The following TK2 variants were observed in gnomAD, a reference collection of about 807,000 sequenced individuals.
TK2 encodes thymidine kinase 2, also known as thymidine kinase 2, mitochondrial.
Under a neutral mutation model 41.9 loss-of-function variants are expected in TK2, and 35 were observed. The observed-to-expected ratio is 0.84, with a 90% CI of 0.64 to 1.11. The LOEUF (loss-of-function observed/expected upper bound fraction) is 1.11, where lower values mean the gene tolerates loss of function less well. Among genes scored for constraint, TK2 ranks in the 50% least tolerant of loss-of-function variants. The pLI is 0.00. For missense variants in TK2, 320 were observed against 351.1 expected, an observed-to-expected ratio of 0.91 and a Z score of 0.71; for synonymous variants, 128 against 129.1, an observed-to-expected ratio of 0.99 and a Z score of 0.06.
chr16:66,522,319 C>T (rs1298645496), intron 6 of TK2, among the ~76,000 whole-genome samples: 2 of 152,234 alleles, frequency 1.3e-5, no homozygotes, highest in African/African-American at 4.8e-5. Context: ...GAGGCCCAGC[C>T]TGTGGTTCCA....
chr16:66,517,635 C>T lies in TK2; in HGVS notation c.538+154G>A, dbSNP rs1239368287. On this transcript the variant is annotated intron_variant, in intron 7 of 9. Coordinates refer to ENST00000544898, the MANE Select transcript of TK2 (RefSeq NM_004614.5). The surrounding 1 kb of genome is among the most constrained non-coding windows in gnomAD (Gnocchi z 4.3). ...AGAGACCAGAAGTCCCGAATTCTGT[C>T]TGCCCTCAGGGAGAAAGCTGAACTC... is the stretch of plus-strand genomic sequence containing the variant. 6.6e-6 allele frequency among the ~76,000 whole-genome samples: 1 copy of T among 152,334 alleles called. No homozygotes were observed. Among genetic ancestry groups the T allele is most frequent in the East Asian group, 1.9e-4 (1 of 5,178 alleles).
intron 4 of TK2, among the ~76,000 whole-genome samples, chr16:66,535,325 C>A (rs750062901): frequency 2.0e-5 from 3 of 152,198 alleles, no homozygotes; most frequent in Non-Finnish European, 4.4e-5. Flanking sequence ...ACTTCTGAGG[C>A]TGTGATTCTG....
Position 66,549,676 on chromosome 16 carries a change from G to A in TK2, c.124+262C>T, listed in dbSNP as rs1161107985. On this transcript the variant is annotated intron_variant, in intron 1 of 9. Transcript: ENST00000544898. ...AAATGGGTCGGGGGACCGAGTTTGG[G>A]CCGGAATGTTCAGAGCGTGTCCGTC... 9.0e-6 allele frequency: 11 copies of A among 1,227,316 alleles called. No homozygotes were observed. The East Asian group carries it at 2.4e-4, about 27-fold the overall frequency. The allele number at this position is 1,227,316 out of a possible 1,614,324, so 76.0% of individuals were successfully genotyped here. A position where few individuals can be genotyped will look rare whatever the true frequency, so the allele number is the denominator to read the frequency against.
intron 3 of TK2, among the ~76,000 whole-genome samples, chr16:66,539,958 T>C (rs2051028545): frequency 1.3e-5 from 2 of 152,044 alleles, no homozygotes; most frequent in South Asian, 4.2e-4. Context: ...CTGTTATCAG[T>C]TAGGAATGGT....
chr16:66,529,027 G>A lies in TK2; in HGVS notation c.416C>T (p.Ala139Val), dbSNP rs281865494. Residue 139 changes from alanine to valine, a missense_variant, in exon 6 of 10, where the codon GCA (alanine) becomes GTA (valine). Physicochemically the swap from Ala to Val is moderately conservative, Grantham distance 64 (BLOSUM62 0). Transcript: ENST00000544898. ...VRLMERSIHS[A>V]RYIFVENLYR... ...CAGGTTTTCTACAAAAATGTATCTT[G>A]CGCTGTGAATCGACCTCTCCATCAA... is the stretch of plus-strand genomic sequence containing the variant. The A allele has an allele frequency of 4.8e-5, 78 of 1,613,916 alleles. No individual in the cohort carries two copies. The highest frequency in any genetic ancestry group is 6.7e-5 in the Admixed American group (4 of 59,998).
At chr16:66,515,332 C>A (rs1432187519) in intron 8 of TK2, among the ~76,000 whole-genome samples, 1 of 152,178 alleles carries the variant, frequency 6.6e-6, no homozygotes, top group African/African-American at 2.4e-5. Context: ...TCACCCATTG[C>A]CCTTCTACCC....
At position 66,517,664 on chromosome 16, in the gene TK2, T is replaced by TG. The variant is rs1964655045; in HGVS notation, c.538+124dup. ...CCTCAGGGAGAAAGCTGAACTCCCA[T>TG]GGGGAAGGAACTGCCAAGGGCAAGT... On this transcript the variant is annotated intron_variant, in intron 7 of 9. Transcript: ENST00000544898. This position sits in a 1 kb window ranked among gnomAD's most constrained non-coding sequence, Gnocchi z 4.3. 1.2e-6 allele frequency: 1 copy of TG among 860,122 alleles called. No homozygotes were observed. Among genetic ancestry groups the TG allele is most frequent in the Non-Finnish European group, 2.0e-6 (1 of 501,346 alleles). 53.3% of individuals were successfully genotyped at this position (860,122 alleles called of 1,614,324 possible).
At chr16:66,534,610 C>T (rs1236261246) in intron 4 of TK2, among the ~76,000 whole-genome samples, 1 of 152,258 alleles carries the variant, frequency 6.6e-6, no homozygotes. Flanking sequence ...CATCTCAGGG[C>T]CTTTGCCTCT....
At chr16:66,528,885 A>G (rs1004695566) in intron 6 of TK2, 109 bp downstream of exon 6, 34 of 1,038,938 alleles carry the variant, frequency 3.3e-5, no homozygotes, top group Non-Finnish European at 5.0e-5. Context: ...GCAATGGATA[A>G]CTGATACAAC....
At chr16:66,522,296 A>G (rs1333165064) in intron 6 of TK2, among the ~76,000 whole-genome samples, 1 of 152,184 alleles carries the variant, frequency 6.6e-6, no homozygotes, top group African/African-American at 2.4e-5. Flanking sequence ...CCCTGGGCCA[A>G]TCAGCAGGGG....
Position 66,517,435 on chromosome 16 carries a change from A to G in TK2, c.539-220T>C. ...TGAGGCTGAATGGGATTCTGTTCAT[A>G]GACAGAGCTCAAAACAGGCCTCACA... On this transcript the variant is annotated intron_variant, in intron 7 of 9. Coordinates refer to ENST00000544898, the MANE Select transcript of TK2 (RefSeq NM_004614.5). This position sits in a 1 kb window ranked among gnomAD's most constrained non-coding sequence, Gnocchi z 4.3. 1 of 630,392 alleles carries G rather than the reference A, an allele frequency of 1.6e-6. No individual in the cohort carries two copies. The highest frequency in any genetic ancestry group is 2.8e-6 in the Non-Finnish European group (1 of 351,916). 39.0% of individuals were successfully genotyped at this position (630,392 alleles called of 1,614,324 possible).
chr16:66,544,783 G>A (rs1404297016), intron 2 of TK2, among the ~76,000 whole-genome samples: 4 of 152,122 alleles, frequency 2.6e-5, no homozygotes. Flanking sequence ...AAGCATTCTT[G>A]TGCTAAGAAA....
intron 6 of TK2, among the ~76,000 whole-genome samples, chr16:66,521,939 G>A (rs1964792475): frequency 6.6e-6 from 1 of 152,216 alleles, no homozygotes; most frequent in Non-Finnish European, 1.5e-5. Flanking sequence ...GAGGCCAAGA[G>A]AGCCCCCCAG....
rs1964434009 is a variant in TK2 at position 66,510,980 on chromosome 16, C to T, written c.*988G>A. ...AAAAGACTTAAGGCCACTTGTGTCT[C>T]TCTCTTGGGCCACAGACTTTCAGTA... is the stretch of plus-strand genomic sequence containing the variant. On this transcript the variant is annotated 3_prime_UTR_variant, in exon 10 of 10. Coordinates refer to ENST00000544898, the MANE Select transcript of TK2 (RefSeq NM_004614.5). 6.6e-6 allele frequency: 1 copy of T among 152,222 alleles called. No homozygotes were observed. Among genetic ancestry groups the T allele is most frequent in the African/African-American group, 2.4e-5 (1 of 41,456 alleles). The allele number at this position is 152,222 out of a possible 1,614,324, so 9.4% of individuals were successfully genotyped here. A position where few individuals can be genotyped will look rare whatever the true frequency, so the allele number is the denominator to read the frequency against.
intron 2 of TK2, among the ~76,000 whole-genome samples, chr16:66,542,413 G>A (rs4783635): frequency 0.064 from 9,732 of 152,162 alleles, 463 homozygotes; most frequent in South Asian, 0.17. Flanking sequence ...GAAACCATTA[G>A]GAAAGGGGAG....
At chr16:66,516,675 CA>C (rs1015054460) in intron 8 of TK2, among the ~76,000 whole-genome samples, 4 of 152,156 alleles carry the variant, frequency 2.6e-5, no homozygotes, top group African/African-American at 9.6e-5. Flanking sequence ...CTCCAGTGGG[CA>C]AACACCACTA....
chr16:66,527,787 T>G (rs188508375), intron 6 of TK2, among the ~76,000 whole-genome samples: 159 of 152,222 alleles, frequency 1.0e-3, no homozygotes, highest in African/African-American at 3.8e-3. Flanking sequence ...CCCAGCACTT[T>G]GGGAGGCCAA....
At chr16:66,536,669 G>A (rs1344075064) in intron 4 of TK2, among the ~76,000 whole-genome samples, 1 of 152,150 alleles carries the variant, frequency 6.6e-6, no homozygotes, top group East Asian at 1.9e-4. Flanking sequence ...GGGAGGGGAA[G>A]GCTGGAATGA....
At position 66,545,144 on chromosome 16, in the gene TK2, T is replaced by A. The variant is rs568277070; in HGVS notation, c.157-3191A>T. ...ATTCTCACACACAAGAATGTATGTA[T>A]GCATGAATATATGTATATGTTTATG... is the stretch of plus-strand genomic sequence containing the variant. On this transcript the variant is annotated intron_variant, in intron 2 of 9. Coordinates refer to ENST00000544898, the MANE Select transcript of TK2 (RefSeq NM_004614.5). Among the ~76,000 whole-genome samples, 6 of 151,942 alleles carry A rather than the reference T, an allele frequency of 3.9e-5. No individual in the cohort carries two copies. In the East Asian group the frequency reaches 1.2e-3, roughly 29 times the overall value.
Sources: gnomAD v4.1 joint callset for allele counts (sites outside exome capture counted in the v4.1 genomes callset) on GRCh38, gnomAD v4.1.1 for gene constraint, Gnocchi (gnomAD v3.1) non-coding constraint, MANE v1.5 for transcripts, NCBI Gene and HGNC (gene_info 2026-07-23, HGNC 2026-07-21) for gene names.